Variants in FNIP2 observed in about 807,000 individuals in gnomAD.
The protein encoded by FNIP2 is folliculin interacting protein 2.
FNIP2 carries 32 observed loss-of-function variants against 108.7 expected under a neutral mutation model. That is an observed-to-expected ratio of 0.29 (90% CI 0.22 to 0.40). The LOEUF (loss-of-function observed/expected upper bound fraction) is 0.40. Ranked by LOEUF, FNIP2 falls within the 10% of genes least tolerant of loss-of-function variation. FNIP2 has a pLI of 1.00. For missense variants in FNIP2, 1,202 were observed against 1,381.6 expected (o/e 0.87, Z 2.06); for synonymous variants, 480 against 496.7 (o/e 0.97, Z 0.45).
chr4:158,837,347 A>G (rs1778866719), intron 7 of FNIP2, among the ~76,000 whole-genome samples: 1 of 152,202 alleles, frequency 6.6e-6, no homozygotes, highest in Non-Finnish European at 1.5e-5. Flanking sequence ...CGTTCTGAAC[A>G]CTGACATCAC....
rs1780846978 is a variant in FNIP2, at chr4:158,870,059, G to A, written c.2793-254G>A. Among the ~76,000 whole-genome samples, 5 of 152,302 alleles carry A rather than the reference G, an allele frequency of 3.3e-5. No homozygotes were observed. In the South Asian group the frequency reaches 8.3e-4, roughly 25 times the overall value. On this transcript the variant is annotated intron_variant, in intron 13 of 16. Transcript: ENST00000264433. ...TTTGGTCAGTATTTTGACACAGACT[G>A]CCTGGTGGATGTCCAATATGAGGTA...
chr4:158,862,232 G>A (rs1248761188), intron 12 of FNIP2, among the ~76,000 whole-genome samples: 1 of 151,858 alleles, frequency 6.6e-6, no homozygotes, highest in Admixed American at 6.6e-5. Flanking sequence ...AATATCCACA[G>A]AAAAGCACCT....
rs140480333 is a variant in FNIP2 at position 158,889,566 on chromosome 4, C to A, written c.2950-1880C>A. On this transcript the variant is annotated intron_variant, in intron 14 of 16. Coordinates refer to ENST00000264433, the MANE Select transcript of FNIP2 (RefSeq NM_020840.3). ...GATTTGAACCTAGGGTCCAAATTAC[C>A]TATTGCAAATCAATCCTCCTCCTCC... is the stretch of plus-strand genomic sequence containing the variant. Among the ~76,000 whole-genome samples the A allele has an allele frequency of 2.8e-3, 423 of 152,282 alleles. 3 individuals are homozygous for A. Among genetic ancestry groups the A allele is most frequent in the African/African-American group, 9.7e-3 (402 of 41,566 alleles).
intron 1 of FNIP2, among the ~76,000 whole-genome samples, chr4:158,789,524 A>T (rs1230049800): frequency 6.6e-6 from 1 of 152,206 alleles, no homozygotes; most frequent in Admixed American, 6.5e-5. Context: ...CTAAAAGTAA[A>T]CTTACAAATG....
chr4:158,832,195 T>C, intron 5 of FNIP2, 57 bp downstream of exon 5: 1 of 1,385,650 alleles, frequency 7.2e-7, no homozygotes, highest in Non-Finnish European at 1.0e-6. Context: ...TATTTCTAGA[T>C]AGACTAATTC....
intron 7 of FNIP2, 100 bp from the exon 8 acceptor site, chr4:158,851,221 T>C (rs1779681891): frequency 1.5e-6 from 2 of 1,348,486 alleles, no homozygotes; most frequent in Non-Finnish European, 1.0e-6. Flanking sequence ...ATAATAAATG[T>C]AGAGTTCAGT....
intron 16 of FNIP2, among the ~76,000 whole-genome samples, chr4:158,903,216 C>T (rs962974636): frequency 6.6e-6 from 1 of 152,142 alleles, no homozygotes; most frequent in Non-Finnish European, 1.5e-5. Flanking sequence ...CACGGCTTCC[C>T]TTGGGTAGGG....
intron 1 of FNIP2, chr4:158,796,011 A>T (rs1037777093): frequency 2.2e-5 from 2 of 89,968 alleles, no homozygotes; most frequent in African/African-American, 8.9e-5. Flanking sequence ...AGACTCGGTG[A>T]CTGTTGTTCC....
intron 12 of FNIP2, among the ~76,000 whole-genome samples, chr4:158,865,496 A>G (rs1404134680): frequency 2.6e-5 from 4 of 152,226 alleles, no homozygotes; most frequent in Non-Finnish European, 5.9e-5. Flanking sequence ...TGTATTTTTA[A>G]TAACCTTCCT....
At chr4:158,863,224 C>A (rs2126684852) in intron 12 of FNIP2, among the ~76,000 whole-genome samples, 1 of 152,334 alleles carries the variant, frequency 6.6e-6, no homozygotes, top group Non-Finnish European at 1.5e-5. Flanking sequence ...GGCCGAGTTT[C>A]CATTATTACA....
At chr4:158,872,831 C>A in intron 14 of FNIP2, 1 of 836,692 alleles carries the variant, frequency 1.2e-6, no homozygotes, top group Non-Finnish European at 1.4e-6. Flanking sequence ...AAACATTATT[C>A]CGAATTTACT....
chr4:158,851,775 G>A (rs1420978815), intron 8 of FNIP2, among the ~76,000 whole-genome samples: 1 of 152,056 alleles, frequency 6.6e-6, no homozygotes, highest in Non-Finnish European at 1.5e-5. Context: ...AGTAATGAAG[G>A]GTGGATCAAT....
rs34845983 is a variant in FNIP2 at position 158,840,240 on chromosome 4, C to T, written c.727+4764C>T. Among the ~76,000 whole-genome samples the T allele has an allele frequency of 4.7e-3, 722 of 152,232 alleles. 3 individuals are homozygous for T. The Middle Eastern group carries it at 0.051, about 11-fold the overall frequency. On this transcript the variant is annotated intron_variant, in intron 7 of 16. Transcript: ENST00000264433. The stretch of plus-strand genomic sequence containing the variant: ...AAAGCAGGAGGCCAGGTCAGGGAGA[C>T]AGATACTGAGATAATTTTCTAGCTA...
intron 5 of FNIP2, 93 bp from the exon 6 acceptor site, chr4:158,833,432 CGTT>C (rs1314682768): frequency 9.9e-6 from 7 of 706,394 alleles, no homozygotes; most frequent in African/African-American, 3.6e-5. Context: ...ACTGATCAGT[CGTT>C]GTCTATATTT....
At chr4:158,825,223 C>T (rs1778089917) in intron 1 of FNIP2, among the ~76,000 whole-genome samples, 1 of 152,142 alleles carries the variant, frequency 6.6e-6, no homozygotes, top group Non-Finnish European at 1.5e-5. Context: ...TTCTGTAGTT[C>T]CCTCACTCTG....
At chr4:158,857,252 A>G (rs898633959) in intron 8 of FNIP2, among the ~76,000 whole-genome samples, 1 of 152,222 alleles carries the variant, frequency 6.6e-6, no homozygotes, top group Non-Finnish European at 1.5e-5. Context: ...GATGACAGAC[A>G]AAGTGGAAAG....
At chr4:158,838,248 T>C (rs1055432504) in intron 7 of FNIP2, among the ~76,000 whole-genome samples, 9 of 144,202 alleles carry the variant, frequency 6.2e-5, no homozygotes, top group Admixed American at 1.4e-4. Flanking sequence ...TTTTTTTTTT[T>C]CTGGCTCTGT....
At chr4:158,810,998 T>C (rs532708796) in intron 1 of FNIP2, among the ~76,000 whole-genome samples, 11 of 152,294 alleles carry the variant, frequency 7.2e-5, no homozygotes, top group African/African-American at 2.6e-4. Flanking sequence ...AAAAGCCAAA[T>C]AATTGCTGAA....
At chr4:158,785,361 G>A (rs1295977505) in intron 1 of FNIP2, among the ~76,000 whole-genome samples, 2 of 152,040 alleles carry the variant, frequency 1.3e-5, no homozygotes, top group East Asian at 3.9e-4. Flanking sequence ...TGGGATTACA[G>A]GCATGAGCCA....
Sources: allele counts gnomAD v4.1 joint callset (sites outside exome capture counted in the v4.1 genomes callset), GRCh38; gene constraint gnomAD v4.1.1; transcripts MANE v1.5; gene names NCBI Gene and HGNC (gene_info 2026-07-23, HGNC 2026-07-21).